The following ETV5 variants were observed in gnomAD, a reference collection of about 807,000 sequenced individuals.
ETV5 encodes ETS translocation variant 5.
Under a neutral mutation model 70.0 loss-of-function variants are expected in ETV5, and 10 were observed. That is an observed-to-expected ratio of 0.14 (90% CI 0.09 to 0.24). The LOEUF (loss-of-function observed/expected upper bound fraction) is 0.24. ETV5 is among the 10% of genes least tolerant of loss of function. The pLI is 1.00. For missense variants in ETV5, 453 were observed against 651.2 expected, an observed-to-expected ratio of 0.70 and a Z score of 3.31; for synonymous variants, 216 against 242.2, an observed-to-expected ratio of 0.89 and a Z score of 1.01.
chr3:186,100,918 A>G (rs534336084), intron 5 of ETV5, among the ~76,000 whole-genome samples: 2 of 152,250 alleles, frequency 1.3e-5, no homozygotes, highest in Non-Finnish European at 2.9e-5. Flanking sequence ...CCCAAAATGT[A>G]TATTTAAAAA....
At chr3:186,067,453 C>T (rs112798278) in intron 7 of ETV5, among the ~76,000 whole-genome samples, 2,798 of 151,884 alleles carry the variant, frequency 0.018, 86 homozygotes, top group African/African-American at 0.065. Context: ...AACAAAAAAA[C>T]CTAAAAAAAT....
At chr3:186,062,750 T>G (rs1296151922) in intron 9 of ETV5, among the ~76,000 whole-genome samples, 1 of 152,198 alleles carries the variant, frequency 6.6e-6, no homozygotes, top group African/African-American at 2.4e-5. Context: ...CAATTTGAGT[T>G]AATGACTATT....
chr3:186,051,993 GAC>G, intron 12 of ETV5, 35 bp downstream of exon 12: 2 of 1,600,020 alleles, frequency 1.2e-6, no homozygotes, highest in Non-Finnish European at 1.7e-6. Flanking sequence ...CCTTAAAAGA[GAC>G]CAGAGTGGGC....
In ETV5 at chr3:186,079,867, G is replaced by C. The variant is rs1209295166; in HGVS notation, c.600C>G (p.Pro200=). Residue 200 remains proline, a synonymous_variant, in exon 7 of 13, where the codon CCC becomes CCG. Coordinates refer to ENST00000306376, the MANE Select transcript of ETV5 (RefSeq NM_004454.3). ...TFAVPRPPHQ[P]LQMPKMMPEN... is the part of the protein sequence containing the mutation. Reference sequence around the variant, plus strand: ...CAGGCATCATCTTTGGCATCTGCAGGGGCTGATGTGGTGGTCGGGGGACCG... The same window carrying C: ...CAGGCATCATCTTTGGCATCTGCAGCGGCTGATGTGGTGGTCGGGGGACCG... 4 of 1,610,714 alleles carry C rather than the reference G, an allele frequency of 2.5e-6. No individual in the cohort carries two copies. The highest frequency in any genetic ancestry group is 3.4e-6 in the Non-Finnish European group (4 of 1,178,626).
In ETV5 at chr3:186,105,296, G is replaced by A. The variant is rs367682112; in HGVS notation, c.232+9C>T. ...AGAACAAATGTGCCATCACCAGAAA[G>A]GTACTTACGGTTATCAGACTGAAAA... On this transcript the variant is annotated intron_variant, in intron 5 of 12. Transcript: ENST00000306376. The surrounding 1 kb of genome is among the most constrained non-coding windows in gnomAD (Gnocchi z 4.5). 7 of 1,608,048 alleles carry A rather than the reference G, an allele frequency of 4.4e-6. No homozygotes were observed. The highest frequency in any genetic ancestry group is 1.3e-5 in the African/African-American group (1 of 74,602).
Position 186,076,195 on chromosome 3 carries a change from C to G in ETV5, c.650+3622G>C, listed in dbSNP as rs544339819. 22 of 223,294 alleles carry G rather than the reference C, an allele frequency of 9.9e-5. 1 individual carries two copies. In the South Asian group the frequency reaches 3.1e-3, roughly 32 times the overall value. 13.8% of individuals were successfully genotyped at this position (223,294 alleles called of 1,614,324 possible). ...AGGAAATCACTGGTATAAATCATGG[C>G]TTTCAAACACAGTATTTATCTTCTA... On this transcript the variant is annotated intron_variant, in intron 7 of 12. Coordinates refer to ENST00000306376, the MANE Select transcript of ETV5 (RefSeq NM_004454.3).
chr3:186,058,523 G>A (rs1713222301), intron 9 of ETV5, among the ~76,000 whole-genome samples: 1 of 152,208 alleles, frequency 6.6e-6, no homozygotes, highest in African/African-American at 2.4e-5. Context: ...TGCAGTGGGG[G>A]CAGGCAGGTG....
intron 1 of ETV5, chr3:186,108,357 G>T: frequency 1.9e-6 from 1 of 536,290 alleles, no homozygotes; most frequent in Non-Finnish European, 3.3e-6. Flanking sequence ...CAGCCTGCTG[G>T]GTGGGAGCAG....
intron 5 of ETV5, among the ~76,000 whole-genome samples, chr3:186,096,463 C>T (rs987447503): frequency 3.3e-5 from 5 of 152,182 alleles, no homozygotes; most frequent in African/African-American, 1.2e-4. Context: ...AAGTCCTTTT[C>T]AGCCCCTCTG....
At chr3:186,102,921 G>T (rs561554590) in intron 5 of ETV5, among the ~76,000 whole-genome samples, 51 of 152,138 alleles carry the variant, frequency 3.4e-4, no homozygotes, top group Non-Finnish European at 5.3e-4. Context: ...CTGAACTGCA[G>T]GCAAACAAAC....
chr3:186,105,741 T>A lies in ETV5; in HGVS notation c.46-29A>T. ...AAAGAGGCCAACAGAAAGTGAAGGCTCAAGTGTAGTAAAGAGGTCCACAGG... is the reference window on the plus strand; with the variant it reads ...AAAGAGGCCAACAGAAAGTGAAGGCACAAGTGTAGTAAAGAGGTCCACAGG... On this transcript the variant is annotated intron_variant, in intron 2 of 12. Coordinates refer to ENST00000306376, the MANE Select transcript of ETV5 (RefSeq NM_004454.3). The surrounding 1 kb of genome is among the most constrained non-coding windows in gnomAD (Gnocchi z 4.5). 2.5e-6 allele frequency: 4 copies of A among 1,613,652 alleles called. No individual in the cohort carries two copies. The highest frequency in any genetic ancestry group is 3.4e-6 in the Non-Finnish European group (4 of 1,179,584).
chr3:186,098,244 A>C (rs969389441), intron 5 of ETV5, among the ~76,000 whole-genome samples: 1 of 152,262 alleles, frequency 6.6e-6, no homozygotes, highest in East Asian at 1.9e-4. Context: ...CCCTCGGTTC[A>C]GAATCTGGCT....
intron 9 of ETV5, 106 bp downstream of exon 9, chr3:186,064,311 C>A: frequency 9.1e-7 from 1 of 1,099,080 alleles, no homozygotes; most frequent in Non-Finnish European, 1.4e-6. Flanking sequence ...ATTAGTCAAG[C>A]AAAGAAAGAG....
chr3:186,108,652 C>A (rs1440670222), intron 1 of ETV5: 11 of 1,156,662 alleles, frequency 9.5e-6, no homozygotes, highest in Non-Finnish European at 1.2e-5. Flanking sequence ...CCCATCCACT[C>A]GGGAGCCCCC....
rs1011588138 is a variant in ETV5 at position 186,097,001 on chromosome 3, A to G, written c.232+8304T>C. Among the ~76,000 whole-genome samples, 7 of 152,134 alleles carry G rather than the reference A, an allele frequency of 4.6e-5. No homozygotes were observed. In the East Asian group the frequency reaches 1.2e-3, roughly 25 times the overall value. Reference sequence around the variant, plus strand: ...TGGGCAACACAGCAAGACCACCCCCAGCACACCCGCTTGGCCAATTAATCA... The same window carrying G: ...TGGGCAACACAGCAAGACCACCCCCGGCACACCCGCTTGGCCAATTAATCA... On this transcript the variant is annotated intron_variant, in intron 5 of 12. Transcript: ENST00000306376.
chr3:186,097,385 C>T (rs1267955213), intron 5 of ETV5, among the ~76,000 whole-genome samples: 2 of 152,038 alleles, frequency 1.3e-5, no homozygotes, highest in South Asian at 2.1e-4. Flanking sequence ...GTGTCTGTGT[C>T]GTGGCAGGTA....
At chr3:186,064,926 T>C (rs1249878760) in intron 8 of ETV5, among the ~76,000 whole-genome samples, 1 of 152,162 alleles carries the variant, frequency 6.6e-6, no homozygotes. Context: ...CATCTAATTT[T>C]GCTCCAACAG....
chr3:186,076,261 A>G (rs1713787017), intron 7 of ETV5: 1 of 213,206 alleles, frequency 4.7e-6, no homozygotes, highest in South Asian at 1.9e-4. Context: ...CTAAGACTAT[A>G]TAAAACATTA....
chr3:186,082,451 G>C (rs1483388841), intron 5 of ETV5, among the ~76,000 whole-genome samples: 1 of 146,368 alleles, frequency 6.8e-6, no homozygotes, highest in Non-Finnish European at 1.5e-5. Flanking sequence ...TTTTTGAGAC[G>C]GAGTCTTACT....
Sources: gnomAD v4.1 joint callset for allele counts (sites outside exome capture counted in the v4.1 genomes callset) on GRCh38, gnomAD v4.1.1 for gene constraint, Gnocchi (gnomAD v3.1) non-coding constraint, MANE v1.5 for transcripts, NCBI Gene and HGNC (gene_info 2026-07-23, HGNC 2026-07-21) for gene names.